Variants in FMN1 observed in about 807,000 individuals in gnomAD.
FMN1 encodes the protein formin-1.
Under a neutral mutation model 132.4 loss-of-function variants are expected in FMN1, and 110 were observed. The ratio of observed to expected loss-of-function variants is 0.83; its 90% CI spans 0.71 to 0.97. FMN1 has a LOEUF of 0.97. Ranked by LOEUF, FMN1 falls within the 50% of genes least tolerant of loss-of-function variation. The pLI, the probability that FMN1 is intolerant of heterozygous loss-of-function variation, is 0.00. For synonymous variants in FMN1, 722 were observed against 651.7 expected (o/e 1.11, Z -1.64); for missense variants, 1,792 against 1,705.3 (o/e 1.05, Z -0.90).
At chr15:32,780,711 C>T (rs1248879231) in intron 19 of FMN1, among the ~76,000 whole-genome samples, 1 of 152,134 alleles carries the variant, frequency 6.6e-6, no homozygotes, top group African/African-American at 2.4e-5. Flanking sequence ...CTGGCAACCA[C>T]AGAAGGGACT....
chr15:32,995,259 G>A (rs1203713417), intron 7 of FMN1, among the ~76,000 whole-genome samples: 2 of 152,128 alleles, frequency 1.3e-5, no homozygotes, highest in Non-Finnish European at 2.9e-5. Flanking sequence ...CCAAGATAGT[G>A]TATGAAATTG....
chr15:33,069,268 C>T (rs1307363819), intron 5 of FMN1, among the ~76,000 whole-genome samples: 1 of 152,188 alleles, frequency 6.6e-6, no homozygotes. Flanking sequence ...TTCCTAGCTG[C>T]ATAGCTGCCT....
chr15:32,908,374 G>T (rs369054893), intron 12 of FMN1, 116 bp downstream of exon 12: 5 of 670,360 alleles, frequency 7.5e-6, no homozygotes, highest in Non-Finnish European at 1.1e-5. Flanking sequence ...CAGGAATGAC[G>T]GTGTTGTGAT....
At position 32,826,779 on chromosome 15, in the gene FMN1, C is replaced by T. The variant is rs147298540; in HGVS notation, c.3929-22447G>A. On this transcript the variant is annotated intron_variant, in intron 17 of 20. Coordinates refer to ENST00000616417, the MANE Select transcript of FMN1 (RefSeq NM_001277313.2). ...CACACTATCATTACAATATTCCAGG[C>T]GGCTTCCAGATAGCATCTTAGCTGT... is the stretch of plus-strand genomic sequence containing the variant. Among the ~76,000 whole-genome samples the T allele has an allele frequency of 1.7e-3, 261 of 152,280 alleles. 2 individuals are homozygous for T. The highest frequency in any genetic ancestry group is 6.8e-3 in the Middle Eastern group (2 of 294).
At chr15:32,927,030 C>T (rs192662819) in intron 9 of FMN1, among the ~76,000 whole-genome samples, 112 of 152,258 alleles carry the variant, frequency 7.4e-4, no homozygotes, top group African/African-American at 2.7e-3. Flanking sequence ...ACCCTAAATT[C>T]AAGTGATTCT....
At chr15:33,151,378 G>A (rs1314448119) in intron 4 of FMN1, 4 of 1,536,684 alleles carry the variant, frequency 2.6e-6, no homozygotes, top group Admixed American at 3.9e-5. Context: ...CCCAATGGAA[G>A]GCTGAGGCCA....
intron 9 of FMN1, among the ~76,000 whole-genome samples, chr15:32,961,282 CG>C: frequency 6.6e-6 from 1 of 151,814 alleles, no homozygotes; most frequent in African/African-American, 2.4e-5. Context: ...TACAGGCGCC[CG>C]CCACCACACC....
At chr15:33,027,638 T>C (rs545378248) in intron 6 of FMN1, among the ~76,000 whole-genome samples, 3 of 152,244 alleles carry the variant, frequency 2.0e-5, no homozygotes, top group Non-Finnish European at 2.9e-5. Context: ...GCTTTGTTTT[T>C]CCCCCAAGTA....
chr15:32,854,585 T>C (rs1017450881), intron 17 of FMN1, among the ~76,000 whole-genome samples: 6 of 152,244 alleles, frequency 3.9e-5, no homozygotes, highest in Admixed American at 3.3e-4. Flanking sequence ...TAGGAGCTGA[T>C]GAGCTGATTG....
intron 4 of FMN1, among the ~76,000 whole-genome samples, chr15:33,113,120 T>A (rs977713859): frequency 2.6e-5 from 4 of 152,236 alleles, no homozygotes; most frequent in Non-Finnish European, 5.9e-5. Context: ...CAATATGCTG[T>A]TTCAAATATC....
chr15:32,968,057 C>A (rs747759405), intron 8 of FMN1, among the ~76,000 whole-genome samples: 3 of 152,216 alleles, frequency 2.0e-5, no homozygotes, highest in Admixed American at 1.3e-4. Flanking sequence ...CCCAGCTTAA[C>A]AATCTATACA....
chr15:33,007,974 A>C (rs1296932254), intron 7 of FMN1, 40 bp downstream of exon 7: 3 of 1,520,644 alleles, frequency 2.0e-6, no homozygotes, highest in Admixed American at 1.9e-5. Flanking sequence ...ACCAAGTATC[A>C]GTTCTATAGA....
chr15:32,968,940 G>A lies in FMN1; in HGVS notation c.2761C>T (p.Pro921Ser), dbSNP rs1290453217. The A allele has an allele frequency of 1.6e-5, 13 of 826,284 alleles. No individual in the cohort carries two copies. The highest frequency in any genetic ancestry group is 2.1e-5 in the Non-Finnish European group (11 of 523,670). 51.2% of individuals were successfully genotyped at this position (826,284 alleles called of 1,614,324 possible). A position where few individuals can be genotyped will look rare whatever the true frequency, so the allele number is the denominator to read the frequency against. ...GGGGGTGGGGGTGGGGGTGGTGGAGGTCCAGCACTTGAAGGTGGAGGTAGA... is the reference window on the plus strand; with the variant it reads ...GGGGGTGGGGGTGGGGGTGGTGGAGATCCAGCACTTGAAGGTGGAGGTAGA... The part of the protein sequence containing the change: ...PPLPPPSSAG[P>S]PPPPPPPPLP... Residue 921 changes from proline (P) to serine (S), a missense_variant, in exon 8 of 21, where the codon CCT (proline) becomes TCT (serine). By Grantham distance (74) the Pro-to-Ser change is moderately conservative. Coordinates refer to ENST00000616417, the MANE Select transcript of FMN1 (RefSeq NM_001277313.2).
At chr15:33,174,917 T>A (rs1449432356) in intron 3 of FMN1, among the ~76,000 whole-genome samples, 1 of 152,210 alleles carries the variant, frequency 6.6e-6, no homozygotes, top group East Asian at 1.9e-4. Flanking sequence ...CAAATCTGGG[T>A]GCCAACCCAC....
chr15:33,065,819 A>C (rs1176214836), intron 5 of FMN1, among the ~76,000 whole-genome samples: 1 of 152,196 alleles, frequency 6.6e-6, no homozygotes, highest in East Asian at 1.9e-4. Context: ...TCATCTTTAT[A>C]AATTACCTGA....
intron 4 of FMN1, among the ~76,000 whole-genome samples, chr15:33,109,160 G>C (rs2039601019): frequency 6.6e-6 from 1 of 151,956 alleles, no homozygotes; most frequent in African/African-American, 2.4e-5. Context: ...ATGGATACTT[G>C]GTTTAGTAAC....
chr15:33,112,685 C>T (rs975773077), intron 4 of FMN1, among the ~76,000 whole-genome samples: 1 of 152,018 alleles, frequency 6.6e-6, no homozygotes, highest in Non-Finnish European at 1.5e-5. Context: ...TATTTTTTCA[C>T]CACTACTTGT....
chr15:32,953,489 G>A (rs988941425), intron 9 of FMN1, among the ~76,000 whole-genome samples: 18 of 152,122 alleles, frequency 1.2e-4, no homozygotes, highest in Non-Finnish European at 1.8e-4. Flanking sequence ...TGTAAGGTCC[G>A]TGTTTACAGC....
chr15:33,168,960 C>G (rs1308207064), intron 3 of FMN1, among the ~76,000 whole-genome samples: 4 of 152,212 alleles, frequency 2.6e-5, no homozygotes, highest in Admixed American at 1.3e-4. Flanking sequence ...TCTTAATAAA[C>G]TGAGCTGCTC....
Sources: gnomAD v4.1 joint callset for allele counts (sites outside exome capture counted in the v4.1 genomes callset) on GRCh38, gnomAD v4.1.1 for gene constraint, MANE v1.5 for transcripts, NCBI Gene and HGNC (gene_info 2026-07-23, HGNC 2026-07-21) for gene names.